The following RFC1 variants were observed in gnomAD, a reference collection of about 807,000 sequenced individuals.
RFC1 encodes replication factor C subunit 1.
In RFC1, 37 loss-of-function variants were observed where a neutral mutation model predicts 137.4. That is an observed-to-expected ratio of 0.27 (90% CI 0.21 to 0.35). RFC1 has a LOEUF of 0.35. Ranked by LOEUF, RFC1 falls within the 10% of genes least tolerant of loss-of-function variation. The probability of loss-of-function intolerance (pLI) is 1.00; values close to 1 mark genes in which losing one functional copy is unlikely to be tolerated. For synonymous variants in RFC1, 429 were observed against 455.7 expected, an observed-to-expected ratio of 0.94 and a Z score of 0.75; for missense variants, 1,205 against 1,358.5, an observed-to-expected ratio of 0.89 and a Z score of 1.78.
At chr4:39,315,229 C>T (rs543280636) in intron 10 of RFC1, among the ~76,000 whole-genome samples, 9 of 152,328 alleles carry the variant, frequency 5.9e-5, no homozygotes, top group African/African-American at 1.4e-4. Context: ...GAACAATTTC[C>T]GGTCTTCCCT....
intron 4 of RFC1, among the ~76,000 whole-genome samples, chr4:39,333,686 T>C (rs1056863766): frequency 2.0e-5 from 3 of 151,858 alleles, no homozygotes; most frequent in East Asian, 3.9e-4. Flanking sequence ...AAAGGGGAGG[T>C]TCTTGTTATG....
intron 19 of RFC1, among the ~76,000 whole-genome samples, chr4:39,300,629 T>G (rs6531709): frequency 0.52 from 78,489 of 152,148 alleles, 22,118 homozygotes; most frequent in African/African-American, 0.75. Flanking sequence ...TGAAACTATG[T>G]TCACACAAAA....
chr4:39,288,801 T>C lies in RFC1; in HGVS notation c.3404A>G (p.Lys1135Arg). ...TTTTCCTTTTCCTTTTCTGGGCTCCTTATCTTTTTCTGGTTTTGAAGGCTT... is the reference window on the plus strand; with the variant it reads ...TTTTCCTTTTCCTTTTCTGGGCTCCCTATCTTTTTCTGGTTTTGAAGGCTT... Reference protein sequence around the residue: ...SSKPSKPEKDKEPRKGKGKSS... With the variant: ...SSKPSKPEKDREPRKGKGKSS... The change falls in exon 25 of 25, where the codon AAG becomes AGG. Residue 1135 changes from lysine (K) to arginine (R), a missense_variant. Physicochemically the swap from Lys to Arg is conservative, Grantham distance 26. Coordinates refer to ENST00000349703, the MANE Select transcript of RFC1 (RefSeq NM_002913.5). The C allele has an allele frequency of 6.2e-7, 1 of 1,612,498 alleles. No homozygotes were observed. The highest frequency in any genetic ancestry group is 8.5e-7 in the Non-Finnish European group (1 of 1,179,426).
intron 19 of RFC1, among the ~76,000 whole-genome samples, chr4:39,301,628 T>C (rs947013308): frequency 6.6e-6 from 1 of 152,010 alleles, no homozygotes; most frequent in African/African-American, 2.4e-5. Flanking sequence ...GGTCTCAAAC[T>C]CCTGAGCCTC....
In RFC1 at chr4:39,316,946, G is replaced by A; in HGVS notation, c.1172C>T (p.Pro391Leu). Residue 391 changes from proline (P) to leucine (L), a missense_variant, in exon 10 of 25, where the codon CCC becomes CTC. Physicochemically the swap from Pro to Leu is moderately conservative, Grantham distance 98. Around this residue, in one of 3 missense-constraint regions of RFC1, gnomAD observed 962 missense variants for 1,035.3 expected, o/e 0.93. Coordinates refer to ENST00000349703, the MANE Select transcript of RFC1 (RefSeq NM_002913.5). ...AYRSYLNREG[P>L]KALGSKEIPK... ...TATTTCTTTGGAGCCCAGAGCCTTGGGACCTTCTCGATTTAAGTAGCTTCG... is the reference window on the plus strand; with the variant it reads ...TATTTCTTTGGAGCCCAGAGCCTTGAGACCTTCTCGATTTAAGTAGCTTCG... The A allele has an allele frequency of 6.2e-7, 1 of 1,613,892 alleles. No homozygotes were observed. The highest frequency in any genetic ancestry group is 8.5e-7 in the Non-Finnish European group (1 of 1,179,814).
intron 4 of RFC1, among the ~76,000 whole-genome samples, chr4:39,329,223 C>T (rs1739960583): frequency 1.4e-5 from 2 of 147,128 alleles, no homozygotes; most frequent in Admixed American, 7.0e-5. Context: ...AACATGAGGC[C>T]GGGCACGGTA....
intron 4 of RFC1, chr4:39,341,685 C>T (rs918652877): frequency 8.8e-6 from 4 of 456,038 alleles, no homozygotes; most frequent in African/African-American, 4.0e-5. Flanking sequence ...AACAACATTA[C>T]AATCAAAATG....
chr4:39,312,705 A>G (rs1291645615), intron 11 of RFC1, 47 bp downstream of exon 11: 23 of 1,542,852 alleles, frequency 1.5e-5, no homozygotes, highest in Non-Finnish European at 2.0e-5. Flanking sequence ...AGAGTGTGCC[A>G]AGGCAGGCAG....
chr4:39,321,234 A>T lies in RFC1; in HGVS notation c.808+53T>A, dbSNP rs1739504164. 2.2e-5 allele frequency: 29 copies of T among 1,329,534 alleles called. No homozygotes were observed. The East Asian group carries it at 6.7e-4, about 31-fold the overall frequency. 82.4% of individuals were successfully genotyped at this position (1,329,534 alleles called of 1,614,324 possible). A position where few individuals can be genotyped will look rare whatever the true frequency, so the allele number is the denominator to read the frequency against. Reference sequence around the variant, plus strand: ...GGATACTTAAACAAGATTATCATGAATTTACTTCCATGAAGACAAGTGCTC... The same window carrying T: ...GGATACTTAAACAAGATTATCATGATTTTACTTCCATGAAGACAAGTGCTC... On this transcript the variant is annotated intron_variant, in intron 8 of 24. Coordinates refer to ENST00000349703, the MANE Select transcript of RFC1 (RefSeq NM_002913.5).
At position 39,308,948 on chromosome 4, in the gene RFC1, C is replaced by T; in HGVS notation, c.1573G>A (p.Glu525Lys). 1 of 1,614,050 alleles carries T rather than the reference C, an allele frequency of 6.2e-7. No individual in the cohort carries two copies. Among genetic ancestry groups the T allele is most frequent in the Non-Finnish European group, 8.5e-7 (1 of 1,180,018 alleles). Residue 525 changes from glutamate to lysine, a missense_variant, in exon 13 of 25, where the codon GAA (glutamate) becomes AAA (lysine). Physicochemically the swap from Glu to Lys is moderately conservative, Grantham distance 56. This residue lies in a region of RFC1 where 962 missense variants were observed against 1,035.3 expected (regional missense o/e 0.93). Transcript: ENST00000349703. ...RKISPSKKES[E>K]SKKSRPTSKR... ...GAAGTCGGCCTGCTCTTTTTAGATT[C>T]TGATTCCTTTTTAGATGGACTAATT...
At chr4:39,307,734 A>C (rs930987550) in intron 13 of RFC1, among the ~76,000 whole-genome samples, 15 of 120,790 alleles carry the variant, frequency 1.2e-4, no homozygotes, top group African/African-American at 4.3e-4. Context: ...ACAAAACAAA[A>C]CAAAAAAAAA....
chr4:39,302,959 T>C, intron 16 of RFC1, 85 bp from the exon 17 acceptor site: 1 of 1,484,400 alleles, frequency 6.7e-7, no homozygotes, highest in Non-Finnish European at 9.4e-7. Context: ...AAAAATCTCC[T>C]CAGCAACATG....
chr4:39,319,815 G>A (rs1414579199), intron 9 of RFC1, among the ~76,000 whole-genome samples: 1 of 152,160 alleles, frequency 6.6e-6, no homozygotes, highest in Non-Finnish European at 1.5e-5. Flanking sequence ...TGACTAACGG[G>A]TGGGTAGTGT....
intron 14 of RFC1, among the ~76,000 whole-genome samples, chr4:39,306,160 GC>G (rs1560595514): frequency 1.1e-4 from 16 of 152,192 alleles, no homozygotes; most frequent in Admixed American, 7.2e-4. Context: ...ACCCTGAGTC[GC>G]GCTACCGGGT....
At chr4:39,343,125 C>T (rs1402740978) in intron 3 of RFC1, among the ~76,000 whole-genome samples, 3 of 152,144 alleles carry the variant, frequency 2.0e-5, no homozygotes, top group Non-Finnish European at 4.4e-5. Flanking sequence ...CAGGTTCAAG[C>T]GATTCTCCTG....
chr4:39,293,561 G>T (rs1026762065), intron 22 of RFC1, among the ~76,000 whole-genome samples: 1 of 152,126 alleles, frequency 6.6e-6, no homozygotes, highest in African/African-American at 2.4e-5. Context: ...CTTGATCAGG[G>T]TTAAAAAGTA....
At position 39,354,009 on chromosome 4, in the gene RFC1, T is replaced by G. The variant is rs74505810; in HGVS notation, c.4-2533A>C. 3.7e-3 allele frequency among the ~76,000 whole-genome samples: 571 copies of G among 152,324 alleles called. 4 individuals carry two copies. Among genetic ancestry groups the G allele is most frequent in the African/African-American group, 0.013 (545 of 41,566 alleles). On this transcript the variant is annotated intron_variant, in intron 1 of 24. Transcript: ENST00000349703. ...TTTTTGTCTGTACAAAAATCTGCACTGCCACTCCTTAGCACTGTTACACCA... is the reference window on the plus strand; with the variant it reads ...TTTTTGTCTGTACAAAAATCTGCACGGCCACTCCTTAGCACTGTTACACCA...
intron 23 of RFC1, among the ~76,000 whole-genome samples, chr4:39,290,890 T>G (rs1049059582): frequency 2.6e-5 from 4 of 151,960 alleles, no homozygotes; most frequent in South Asian, 2.1e-4. Flanking sequence ...ACTAGATACC[T>G]TTTCCATAAT....
At chr4:39,338,729 A>G (rs1003599973) in intron 4 of RFC1, among the ~76,000 whole-genome samples, 2 of 152,232 alleles carry the variant, frequency 1.3e-5, no homozygotes, top group Non-Finnish European at 2.9e-5. Flanking sequence ...AAATTAACAT[A>G]TCCATCATCT....
Sources: allele counts gnomAD v4.1 joint callset (sites outside exome capture counted in the v4.1 genomes callset), GRCh38; gene constraint gnomAD v4.1.1; regional missense constraint gnomAD v4.1.1; transcripts MANE v1.5; gene names NCBI Gene and HGNC (gene_info 2026-07-23, HGNC 2026-07-21).